Variants in CPNE6 observed in about 807,000 individuals in gnomAD.
CPNE6 encodes the protein copine 6.
Under a neutral mutation model 71.5 loss-of-function variants are expected in CPNE6, and 33 were observed. The ratio of observed to expected loss-of-function variants is 0.46; its 90% CI spans 0.35 to 0.62. The LOEUF (loss-of-function observed/expected upper bound fraction) is 0.62. Ranked by LOEUF, CPNE6 falls within the 20% of genes least tolerant of loss-of-function variation. The probability of loss-of-function intolerance (pLI) is 0.00; values close to 1 mark genes in which losing one functional copy is unlikely to be tolerated. For synonymous variants in CPNE6, 296 were observed against 293.0 expected (o/e 1.01, Z -0.10); for missense variants, 576 against 747.3 (o/e 0.77, Z 2.67).
chr14:24,073,360 G>A lies in CPNE6; in HGVS notation c.169-139G>A. On this transcript the variant is annotated intron_variant, in intron 3 of 17. Coordinates refer to ENST00000397016, the Ensembl canonical transcript of CPNE6. The surrounding 1 kb of genome is among the most constrained non-coding windows in gnomAD (Gnocchi z 5.5). ...GGGCAGGCAGCACCCCAAGCTCAGGGATCAGCTTAGGAAGAGAAGAGCTGG... is the reference window on the plus strand; with the variant it reads ...GGGCAGGCAGCACCCCAAGCTCAGGAATCAGCTTAGGAAGAGAAGAGCTGG... 1 of 1,035,954 alleles carries A rather than the reference G, an allele frequency of 9.7e-7. No homozygotes were observed. The highest frequency in any genetic ancestry group is 1.4e-6 in the Non-Finnish European group (1 of 716,142). 64.2% of individuals were successfully genotyped at this position (1,035,954 alleles called of 1,614,324 possible).
At position 24,077,321 on chromosome 14, in the gene CPNE6, G is replaced by A. The variant is rs142481614; in HGVS notation, c.1467G>A (p.Leu489=). 25 of 1,613,844 alleles carry A rather than the reference G, an allele frequency of 1.5e-5. No homozygotes were observed. The highest frequency in any genetic ancestry group is 1.5e-4 in the African/African-American group (11 of 74,974). The change falls in exon 16 of 18, where the codon TTG becomes TTA. Residue 489 remains leucine (L), a synonymous_variant. Transcript: ENST00000397016. This position sits in a 1 kb window ranked among gnomAD's most constrained non-coding sequence, Gnocchi z 6.1. Reference sequence around the variant, plus strand: ...TGCTGGATGGCGACGACGGCCCCTTGCGCTGCCCCCGAGGGGTGCCTGCAG... The same window carrying A: ...TGCTGGATGGCGACGACGGCCCCTTACGCTGCCCCCGAGGGGTGCCTGCAG...
At chr14:24,076,166 C>T (rs2070341) in exon 12 of CPNE6, 917,222 of 1,613,166 alleles carry the variant, frequency 0.57, 270,798 homozygotes, top group Middle Eastern at 0.62. Flanking sequence ...TTGACTTCAC[C>T]GCCTCCAATG....
At chr14:24,076,708 C>T in intron 14 of CPNE6, 151 bp downstream of exon 13, 1 of 1,425,702 alleles carries the variant, frequency 7.0e-7, no homozygotes, top group Non-Finnish European at 9.7e-7. Flanking sequence ...CGAGGCCCAG[C>T]ATCTGCACCC....
At position 24,076,412 on chromosome 14, in the gene CPNE6, G is replaced by A. The variant is rs377488418; in HGVS notation, c.1111G>A (p.Glu371Lys). ...TGGGGCTCGAATCCCCCCCAACTTC[G>A]AGGTAGGCTAGATGCGAGGGAAAGA... The change falls in exon 13 of 18, where the codon GAG becomes AAG. Residue 371 changes from glutamate (E) to lysine (K), a missense_variant and splice_region_variant. Around this residue, in one of 4 missense-constraint regions of CPNE6, gnomAD observed 264 missense variants for 339.9 expected, o/e 0.78. Transcript: ENST00000397016. 1.5e-5 allele frequency: 25 copies of A among 1,614,064 alleles called. No individual in the cohort carries two copies. The highest frequency in any genetic ancestry group is 1.3e-4 in the Admixed American group (8 of 60,008).
chr14:24,076,024 C>A, intron 11 of CPNE6, 125 bp from the exon 11 acceptor site: 3 of 1,480,488 alleles, frequency 2.0e-6, no homozygotes, highest in Non-Finnish European at 2.8e-6. Context: ...ACCCCCACAT[C>A]ATTATGTGGC....
At chr14:24,072,849 G>A in intron 2 of CPNE6, 84 bp from the exon 2 acceptor site, 1 of 1,264,702 alleles carries the variant, frequency 7.9e-7, no homozygotes, top group Non-Finnish European at 1.0e-6. Context: ...TTAAGGGGTG[G>A]GGCCCAGGGA....
At chr14:24,078,052 C>T in exon 18 of CPNE6, 1 of 263,868 alleles carries the variant, frequency 3.8e-6, no homozygotes, top group Non-Finnish European at 7.1e-6. Flanking sequence ...GTGATCCTGA[C>T]TTTCTAGCCA....
Position 24,071,554 on chromosome 14 carries a change from C to G in CPNE6, c.-92C>G. The G allele has an allele frequency of 7.0e-7, 1 of 1,437,466 alleles. No homozygotes were observed. The allele number at this position is 1,437,466 out of a possible 1,614,324, so 89.0% of individuals were successfully genotyped here. A position where few individuals can be genotyped will look rare whatever the true frequency, so the allele number is the denominator to read the frequency against. Reference sequence around the variant, plus strand: ...CCCATAAATAGCAGCAGAGCCGGAGCTGGAGCCGGCGCCAGCGGCTGGAGC... The same window carrying G: ...CCCATAAATAGCAGCAGAGCCGGAGGTGGAGCCGGCGCCAGCGGCTGGAGC... On this transcript the variant is annotated 5_prime_UTR_variant, in exon 2 of 18. Transcript: ENST00000397016.
Position 24,077,294 on chromosome 14 carries a change from G to A in CPNE6, c.1440G>A (p.Arg480=), listed in dbSNP as rs780832928. ...GCAATGCTGACTTCTCTGACATGCG[G>A]CTGCTGGATGGCGACGACGGCCCCT... The change falls in exon 16 of 18, where the codon CGG becomes CGA. Residue 480 remains arginine (R), a synonymous_variant. Coordinates refer to ENST00000397016, the Ensembl canonical transcript of CPNE6. This position sits in a 1 kb window ranked among gnomAD's most constrained non-coding sequence, Gnocchi z 6.1. 1.9e-6 allele frequency: 3 copies of A among 1,613,754 alleles called. No homozygotes were observed. The highest frequency in any genetic ancestry group is 2.7e-5 in the African/African-American group (2 of 74,900).
chr14:24,078,081 C>G (rs916320090), exon 18 of CPNE6: 17 of 202,726 alleles, frequency 8.4e-5, no homozygotes, highest in African/African-American at 3.9e-4. Context: ...GAGAACTGCT[C>G]CTAGCACCTC....
chr14:24,077,590 T>C lies in CPNE6; in HGVS notation c.1537-3T>C. 1.3e-6 allele frequency: 2 copies of C among 1,579,424 alleles called. No individual in the cohort carries two copies. Among genetic ancestry groups the C allele is most frequent in the South Asian group, 1.2e-5 (1 of 84,878 alleles). On this transcript the variant is annotated splice_polypyrimidine_tract_variant and splice_region_variant and intron_variant, in intron 16 of 17. Coordinates refer to ENST00000397016, the Ensembl canonical transcript of CPNE6. The surrounding 1 kb of genome is among the most constrained non-coding windows in gnomAD (Gnocchi z 6.1). ...CCTAACCACATCACTGTCCCCACCC[T>C]AGGCTGCCCCCTCTGCACTCGCCAA... is the stretch of plus-strand genomic sequence containing the variant.
At chr14:24,071,013 T>A in exon 1 of CPNE6, 1 of 1,535,660 alleles carries the variant, frequency 6.5e-7, no homozygotes. Flanking sequence ...GAAGATCACA[T>A]CCTGCTGTAT....
Position 24,077,670 on chromosome 14 carries a change from C to T in CPNE6, c.1614C>T (p.Gly538=). Residue 538 remains glycine, a synonymous_variant, in exon 17 of 18, where the codon GGC becomes GGT. Transcript: ENST00000397016. The surrounding 1 kb of genome is among the most constrained non-coding windows in gnomAD (Gnocchi z 6.1). ...TGGTGGAGTACTACGCCAGCCAGGGCATCAGCCCTGGGGCTCCCAGGCCCT... is the reference window on the plus strand; with the variant it reads ...TGGTGGAGTACTACGCCAGCCAGGGTATCAGCCCTGGGGCTCCCAGGCCCT... 1 of 1,593,294 alleles carries T rather than the reference C, an allele frequency of 6.3e-7. No individual in the cohort carries two copies. Among genetic ancestry groups the T allele is most frequent in the African/African-American group, 1.3e-5 (1 of 74,432 alleles).
Position 24,075,633 on chromosome 14 carries a change from C to A in CPNE6, c.864+42C>A, listed in dbSNP as rs909454480. 2.6e-6 allele frequency: 4 copies of A among 1,514,352 alleles called. No homozygotes were observed. The East Asian group carries it at 9.2e-5, about 35-fold the overall frequency. 93.8% of individuals were successfully genotyped at this position (1,514,352 alleles called of 1,614,324 possible). A position where few individuals can be genotyped will look rare whatever the true frequency, so the allele number is the denominator to read the frequency against. ...GCTTCAAGCCTTGCCCCAGCCCCTG[C>A]CCCTACCACACTCTCAGGTTCAACC... is the stretch of plus-strand genomic sequence containing the variant. On this transcript the variant is annotated intron_variant, in intron 10 of 17. Transcript: ENST00000397016. The surrounding 1 kb of genome is among the most constrained non-coding windows in gnomAD (Gnocchi z 4.3).
At chr14:24,076,919 C>T in exon 15 of CPNE6, 1 of 1,613,538 alleles carries the variant, frequency 6.2e-7, no homozygotes, top group Non-Finnish European at 8.5e-7. Context: ...GTTGCCTGCC[C>T]CAGATCCAGC....
Position 24,075,448 on chromosome 14 carries a change from G to C in CPNE6, c.778-57G>C, listed in dbSNP as rs2036029547. The C allele has an allele frequency of 6.5e-7, 1 of 1,542,828 alleles. No homozygotes were observed. The highest frequency in any genetic ancestry group is 8.9e-7 in the Non-Finnish European group (1 of 1,123,570). ...TGCTCTGGGAGGCTCTGCTGGAAGG[G>C]AGAAAGAGGGGTCACCTGATGGACT... On this transcript the variant is annotated intron_variant, in intron 9 of 17. Coordinates refer to ENST00000397016, the Ensembl canonical transcript of CPNE6. This position sits in a 1 kb window ranked among gnomAD's most constrained non-coding sequence, Gnocchi z 4.3.
Position 24,076,491 on chromosome 14 carries a change from G to A in CPNE6, c.1114-15G>A, listed in dbSNP as rs1480435458. 1.4e-5 allele frequency: 22 copies of A among 1,614,038 alleles called. No individual in the cohort carries two copies. Among genetic ancestry groups the A allele is most frequent in the Non-Finnish European group, 1.7e-5 (20 of 1,180,026 alleles). On this transcript the variant is annotated splice_polypyrimidine_tract_variant and intron_variant, in intron 13 of 17. Transcript: ENST00000397016. The stretch of plus-strand genomic sequence containing the variant: ...GAAAAGGCAGGCCCTCACTGCTCCC[G>A]CCTTGCCCTCACAGGTGTCCCATGA...
intron 1 of CPNE6, 61 bp from the exon 1 acceptor site, chr14:24,071,501 G>GCCCACC: frequency 7.1e-7 from 1 of 1,416,704 alleles, no homozygotes; most frequent in Non-Finnish European, 9.3e-7. Flanking sequence ...CTGGTGCTGC[G>GCCCACC]CCCCCCCCCA....
chr14:24,071,465 C>G (rs2035894061), intron 1 of CPNE6, 97 bp from the exon 1 acceptor site: 19 of 1,523,778 alleles, frequency 1.2e-5, no homozygotes, highest in Non-Finnish European at 1.7e-5. Context: ...CCTCTTCTCC[C>G]TCCCAATCCA....
Sources: gnomAD v4.1 joint callset for allele counts on GRCh38, gnomAD v4.1.1 for gene constraint, gnomAD v4.1.1 regional missense constraint, Gnocchi (gnomAD v3.1) non-coding constraint, MANE v1.5 for transcripts, NCBI Gene and HGNC (gene_info 2026-07-23, HGNC 2026-07-21) for gene names.